SH3RF3: variants seen among roughly 807,000 people sequenced by gnomAD.
The protein encoded by SH3RF3 is E3 ubiquitin-protein ligase SH3RF3.
A neutral mutation model predicts 66.3 loss-of-function variants in SH3RF3; 29 were observed. That is an observed-to-expected ratio of 0.44 (90% CI 0.33 to 0.60). The LOEUF (loss-of-function observed/expected upper bound fraction) is 0.60, where lower values mean the gene tolerates loss of function less well. Ranked by LOEUF, SH3RF3 falls within the 20% of genes least tolerant of loss-of-function variation. The probability of loss-of-function intolerance (pLI) is 0.04; values close to 1 mark genes in which losing one functional copy is unlikely to be tolerated. For synonymous variants in SH3RF3, 583 were observed against 532.0 expected (o/e 1.10, Z -1.32); for missense variants, 1,194 against 1,190.9 (o/e 1.00, Z -0.04).
At position 109,223,501 on chromosome 2, in the gene SH3RF3, G is replaced by A. The variant is rs143708837; in HGVS notation, c.573+93388G>A. Among the ~76,000 whole-genome samples the A allele has an allele frequency of 1.4e-4, 22 of 152,344 alleles. No individual in the cohort carries two copies. In the East Asian group the frequency reaches 4.3e-3, roughly 29 times the overall value. On this transcript the variant is annotated intron_variant, in intron 1 of 9. Coordinates refer to ENST00000309415, the MANE Select transcript of SH3RF3 (RefSeq NM_001099289.3). ...GCCTGCCCATGTCAGTCCTAGGTCA[G>A]TGGCTGGAAATGAGCAGAATGGAAG... is the stretch of plus-strand genomic sequence containing the variant.
intron 1 of SH3RF3, among the ~76,000 whole-genome samples, chr2:109,319,286 C>T (rs532130542): frequency 2.0e-5 from 3 of 152,288 alleles, no homozygotes; most frequent in East Asian, 3.9e-4. Context: ...TTCCTGGCAT[C>T]GTGATATGAA....
intron 1 of SH3RF3, among the ~76,000 whole-genome samples, chr2:109,231,047 G>A (rs112924439): frequency 6.6e-6 from 1 of 152,374 alleles, no homozygotes; most frequent in Admixed American, 6.5e-5. Flanking sequence ...AGCACGGACA[G>A]AGCAGCAGAG....
intron 1 of SH3RF3, among the ~76,000 whole-genome samples, chr2:109,277,485 T>G (rs976632283): frequency 1.3e-5 from 2 of 152,222 alleles, no homozygotes; most frequent in Admixed American, 1.3e-4. Context: ...GCTAGGACAT[T>G]GGGCAGCTGC....
intron 1 of SH3RF3, among the ~76,000 whole-genome samples, chr2:109,305,157 G>A (rs1559013264): frequency 6.6e-6 from 1 of 152,220 alleles, no homozygotes; most frequent in East Asian, 1.9e-4. Flanking sequence ...CCACAGTGGG[G>A]GTTATGTTGA....
chr2:109,332,777 T>C (rs1682317571), intron 1 of SH3RF3, among the ~76,000 whole-genome samples: 1 of 152,170 alleles, frequency 6.6e-6, no homozygotes, highest in Non-Finnish European at 1.5e-5. Context: ...GCACAGGTGC[T>C]AGTGTGGGTG....
intron 8 of SH3RF3, among the ~76,000 whole-genome samples, chr2:109,461,732 C>T (rs554037871): frequency 5.9e-5 from 9 of 152,340 alleles, no homozygotes; most frequent in African/African-American, 2.2e-4. Context: ...CACAATAGTG[C>T]CTCAGGCACC....
intron 1 of SH3RF3, among the ~76,000 whole-genome samples, chr2:109,259,214 A>G (rs974969237): frequency 7.2e-5 from 11 of 152,204 alleles, no homozygotes; most frequent in African/African-American, 2.7e-4. Flanking sequence ...TCTGGCCTTC[A>G]TGGGTCGGAT....
intron 1 of SH3RF3, among the ~76,000 whole-genome samples, chr2:109,280,303 G>A (rs1169570485): frequency 1.3e-5 from 2 of 152,214 alleles, no homozygotes; most frequent in Admixed American, 6.5e-5. Context: ...CATTTTACAT[G>A]CAAGGAAACT....
At chr2:109,482,778 A>G (rs984968771) in intron 8 of SH3RF3, among the ~76,000 whole-genome samples, 1 of 152,214 alleles carries the variant, frequency 6.6e-6, no homozygotes, top group Non-Finnish European at 1.5e-5. Context: ...TTCACCACTG[A>G]TAACAGCAAG....
intron 4 of SH3RF3, among the ~76,000 whole-genome samples, chr2:109,416,731 A>G (rs1453229362): frequency 6.6e-6 from 1 of 151,844 alleles, no homozygotes; most frequent in Admixed American, 6.6e-5. Flanking sequence ...CTCTGTCTCA[A>G]TACAACAACA....
At chr2:109,395,965 G>T (rs1303150928) in intron 3 of SH3RF3, among the ~76,000 whole-genome samples, 1 of 152,220 alleles carries the variant, frequency 6.6e-6, no homozygotes, top group Non-Finnish European at 1.5e-5. Context: ...GGGGAGAAGG[G>T]AATCATTTGA....
intron 1 of SH3RF3, among the ~76,000 whole-genome samples, chr2:109,220,764 T>C (rs1055760993): frequency 6.6e-6 from 1 of 152,102 alleles, no homozygotes; most frequent in Admixed American, 6.5e-5. Context: ...AAGTAGAAGA[T>C]AATAAGGGTT....
intron 1 of SH3RF3, among the ~76,000 whole-genome samples, chr2:109,157,595 T>C (rs532932936): frequency 2.0e-5 from 3 of 152,248 alleles, no homozygotes; most frequent in Admixed American, 1.3e-4. Context: ...AAGAAGGAGA[T>C]TGGAACTTGG....
chr2:109,338,715 G>A (rs541755158), intron 1 of SH3RF3, among the ~76,000 whole-genome samples: 257 of 152,156 alleles, frequency 1.7e-3, no homozygotes, highest in African/African-American at 5.7e-3. Flanking sequence ...GCGCCACCAC[G>A]CCCGACTAAT....
chr2:109,498,675 A>G (rs559162405), intron 9 of SH3RF3, among the ~76,000 whole-genome samples: 2 of 152,328 alleles, frequency 1.3e-5, no homozygotes, highest in East Asian at 3.9e-4. Flanking sequence ...TAGGTCCAGG[A>G]TGGGCCCAGG....
intron 2 of SH3RF3, among the ~76,000 whole-genome samples, chr2:109,354,036 G>A (rs1682895104): frequency 6.6e-6 from 1 of 152,230 alleles, no homozygotes; most frequent in Admixed American, 6.5e-5. Flanking sequence ...CCCGCTAGGT[G>A]GGGGAGCTGA....
intron 1 of SH3RF3, among the ~76,000 whole-genome samples, chr2:109,172,500 A>G (rs902673717): frequency 6.6e-6 from 1 of 152,152 alleles, no homozygotes; most frequent in Non-Finnish European, 1.5e-5. Flanking sequence ...ATAGTCCTTA[A>G]TGGTGTAATT....
At chr2:109,471,581 A>T (rs1170903262) in intron 8 of SH3RF3, among the ~76,000 whole-genome samples, 1 of 152,166 alleles carries the variant, frequency 6.6e-6, no homozygotes, top group Non-Finnish European at 1.5e-5. Context: ...CAGTGGCAAA[A>T]TTCATCATTG....
At position 109,175,283 on chromosome 2, in the gene SH3RF3, C is replaced by T. The variant is rs144900520; in HGVS notation, c.573+45170C>T. Among the ~76,000 whole-genome samples the T allele has an allele frequency of 1.3e-3, 195 of 152,258 alleles. 1 individual carries two copies. Among genetic ancestry groups the T allele is most frequent in the Admixed American group, 4.3e-3 (65 of 15,288 alleles). On this transcript the variant is annotated intron_variant, in intron 1 of 9. Coordinates refer to ENST00000309415, the MANE Select transcript of SH3RF3 (RefSeq NM_001099289.3). Reference sequence around the variant, plus strand: ...TACTTCATCCTTTCCCCTATTGGCACGCTAATCTTTGCATGGTTTTATCTT... The same window carrying T: ...TACTTCATCCTTTCCCCTATTGGCATGCTAATCTTTGCATGGTTTTATCTT...
Sources: gnomAD v4.1 joint callset for allele counts (sites outside exome capture counted in the v4.1 genomes callset) on GRCh38, gnomAD v4.1.1 for gene constraint, MANE v1.5 for transcripts, NCBI Gene and HGNC (gene_info 2026-07-23, HGNC 2026-07-21) for gene names.